Variants in AMOT observed in about 807,000 individuals in gnomAD.
AMOT encodes the protein angiomotin.
Under a neutral mutation model 67.0 loss-of-function variants are expected in AMOT, and 11 were observed. That is an observed-to-expected ratio of 0.16 (90% confidence interval 0.10 to 0.27). The LOEUF is 0.27. Ranked by LOEUF, AMOT falls within the 10% of genes least tolerant of loss-of-function variation. The pLI is 1.00. For missense variants in AMOT, 753 were observed against 852.0 expected (o/e 0.88, Z 1.45); for synonymous variants, 326 against 321.4 (o/e 1.01, Z -0.15).
chrX:112,775,236 C>T lies in AMOT; in HGVS notation c.*3331G>A, dbSNP rs1219778831. 7 of 112,573 alleles carry T rather than the reference C, an allele frequency of 6.2e-5. 1 individual carries two copies. The highest frequency in any genetic ancestry group is 2.3e-4 in the African/African-American group (7 of 30,958). 9.3% of individuals were successfully genotyped at this position (112,573 alleles called of 1,213,427 possible). A position where few individuals can be genotyped will look rare whatever the true frequency, so the allele number is the denominator to read the frequency against. ...AATCGTGGCAGGCTGAAATTGGTGGCAATTAGCCCACAGCTGATACCTTCC... is the reference window on the plus strand; with the variant it reads ...AATCGTGGCAGGCTGAAATTGGTGGTAATTAGCCCACAGCTGATACCTTCC... On this transcript the variant is annotated 3_prime_UTR_variant, in exon 14 of 14. Transcript: ENST00000371959.
At position 112,781,012 on chromosome X, in the gene AMOT, G is replaced by C; in HGVS notation, c.2347C>G (p.Arg783Gly). 1 of 1,211,872 alleles carries C rather than the reference G, an allele frequency of 8.3e-7. No individual in the cohort carries two copies. The highest frequency in any genetic ancestry group is 1.1e-6 in the Non-Finnish European group (1 of 895,488). Residue 783 changes from arginine to glycine, a missense_variant, in exon 12 of 14, where the codon CGG becomes GGG. By Grantham distance (125) the Arg-to-Gly change is moderately radical. This residue lies in a region of AMOT where 269 missense variants were observed against 300.9 expected (regional missense o/e 0.89). Transcript: ENST00000371959. ...ATGGACATCAGAGACTTCGCTGGCC[G>C]CATGCACGACAGCTGCTCTGTCTTG... ...PSKTEQLSCM[R>G]PAKSLMSISN...
chrX:112,808,213 G>A (rs1317323610), intron 7 of AMOT, among the ~76,000 whole-genome samples: 1 of 112,041 alleles, frequency 8.9e-6, no homozygotes, highest in Non-Finnish European at 1.9e-5. Flanking sequence ...AACCATACAA[G>A]GAAGGTACTA....
At chrX:112,838,472 G>A (rs1935186559) in intron 1 of AMOT, among the ~76,000 whole-genome samples, 1 of 111,498 alleles carries the variant, frequency 9.0e-6, no homozygotes, top group Non-Finnish European at 1.9e-5. Flanking sequence ...GGACCTCAAG[G>A]TCATAGTATC....
At chrX:112,804,906 C>T in intron 8 of AMOT, 41 bp downstream of exon 8, 6 of 1,048,018 alleles carry the variant, frequency 5.7e-6, no homozygotes, top group Non-Finnish European at 7.9e-6. Flanking sequence ...TTTCCCAGCC[C>T]TCCCACCCCC....
chrX:112,784,671 A>T (rs138922047), intron 10 of AMOT, among the ~76,000 whole-genome samples: 37 of 112,451 alleles, frequency 3.3e-4, no homozygotes, highest in African/African-American at 1.1e-3. Flanking sequence ...GGAAAGATGG[A>T]AGGAGACTAA....
chrX:112,792,175 T>A (rs191318930), intron 8 of AMOT, among the ~76,000 whole-genome samples, 194 bp from the exon 9 acceptor site: 60 of 112,328 alleles, frequency 5.3e-4, no homozygotes, highest in Admixed American at 1.3e-3. Flanking sequence ...ATAAAGAGAA[T>A]GTGAAGGAAT....
At chrX:112,833,760 C>T (rs1280344512) in intron 1 of AMOT, among the ~76,000 whole-genome samples, 1 of 111,964 alleles carries the variant, frequency 8.9e-6, no homozygotes, top group Non-Finnish European at 1.9e-5. Context: ...TGTATATAAA[C>T]ATAGTAAAAC....
chrX:112,778,949 T>G (rs1182674666), intron 13 of AMOT, 48 bp downstream of exon 13: 1 of 1,108,760 alleles, frequency 9.0e-7, no homozygotes, highest in Non-Finnish European at 1.2e-6. Flanking sequence ...AAATCTGTAT[T>G]TGAGAGCAGA....
intron 13 of AMOT, 92 bp downstream of exon 13, chrX:112,778,905 G>T: frequency 1.0e-6 from 1 of 961,433 alleles, no homozygotes; most frequent in Non-Finnish European, 1.4e-6. Context: ...CAGTCCAAAT[G>T]ATAACTCTGC....
At chrX:112,825,854 A>G (rs1052827983) in intron 2 of AMOT, among the ~76,000 whole-genome samples, 2 of 109,368 alleles carry the variant, frequency 1.8e-5, no homozygotes, top group Non-Finnish European at 3.8e-5. Flanking sequence ...TCCTGCCCTC[A>G]TGGAGCTTAC....
chrX:112,790,288 G>T (rs937055635), intron 10 of AMOT, among the ~76,000 whole-genome samples: 1 of 109,514 alleles, frequency 9.1e-6, no homozygotes, highest in Non-Finnish European at 1.9e-5. Flanking sequence ...GTGGCTGAAA[G>T]AATCTGTGGC....
chrX:112,790,487 T>TG (rs1439565941), intron 10 of AMOT, 105 bp downstream of exon 10: 10 of 909,679 alleles, frequency 1.1e-5, no homozygotes, highest in African/African-American at 8.1e-5. Context: ...AGGCAGAAAT[T>TG]GGGGGGGAAA....
chrX:112,799,197 G>A (rs1933934752), intron 8 of AMOT, among the ~76,000 whole-genome samples: 1 of 112,112 alleles, frequency 8.9e-6, no homozygotes, highest in Non-Finnish European at 1.9e-5. Flanking sequence ...TAATCTGTCT[G>A]TACTTTAATT....
chrX:112,790,489 G>C (rs147369204), intron 10 of AMOT, 103 bp downstream of exon 10: 11 of 921,738 alleles, frequency 1.2e-5, no homozygotes, highest in South Asian at 2.9e-5. Context: ...GCAGAAATTG[G>C]GGGGGAAACC....
chrX:112,817,814 C>T (rs1239469391), intron 4 of AMOT, among the ~76,000 whole-genome samples: 1 of 112,078 alleles, frequency 8.9e-6, no homozygotes, highest in East Asian at 2.8e-4. Context: ...TAATATTTTT[C>T]CCCAGAGCTC....
intron 1 of AMOT, among the ~76,000 whole-genome samples, chrX:112,840,079 CTGAGA>C (rs1283497077): frequency 9.0e-6 from 1 of 111,646 alleles, no homozygotes; most frequent in East Asian, 2.8e-4. Flanking sequence ...ATCTAGTTAT[CTGAGA>C]TAAGCACTGA....
At chrX:112,796,308 TTTCAGTG>T (rs1242908837) in intron 8 of AMOT, among the ~76,000 whole-genome samples, 1 of 112,293 alleles carries the variant, frequency 8.9e-6, no homozygotes, top group Non-Finnish European at 1.9e-5. Context: ...ATTTTTCTGT[TTTCAGTG>T]TTCAAAGAAC....
At chrX:112,826,371 C>T (rs912346134) in intron 2 of AMOT, among the ~76,000 whole-genome samples, 48 of 112,784 alleles carry the variant, frequency 4.3e-4, no homozygotes, top group Middle Eastern at 4.6e-3. Flanking sequence ...ATTAATTTAA[C>T]ATTATTTCCT....
At chrX:112,781,340 C>T (rs765437819) in intron 11 of AMOT, among the ~76,000 whole-genome samples, 79 of 106,492 alleles carry the variant, frequency 7.4e-4, no homozygotes, top group African/African-American at 2.1e-3. Flanking sequence ...CTCGGGAGGC[C>T]GAGGCAGGAG....
Sources: allele counts gnomAD v4.1 joint callset (sites outside exome capture counted in the v4.1 genomes callset), GRCh38; gene constraint gnomAD v4.1.1; regional missense constraint gnomAD v4.1.1; transcripts MANE v1.5; gene names NCBI Gene and HGNC (gene_info 2026-07-23, HGNC 2026-07-21).